Variants in EML5 observed in about 807,000 individuals in gnomAD.
EML5 encodes the protein EMAP like 5.
A neutral mutation model predicts 250.0 loss-of-function variants in EML5; 120 were observed. The ratio of observed to expected loss-of-function variants is 0.48; its 90% CI spans 0.41 to 0.56. The LOEUF is 0.56. EML5 is among the 20% of genes least tolerant of loss of function. The pLI, the probability that EML5 is intolerant of heterozygous loss-of-function variation, is 0.00. For missense variants in EML5, 2,006 were observed against 2,437.6 expected (o/e 0.82, Z 3.73); for synonymous variants, 771 against 806.5 (o/e 0.96, Z 0.75).
At chr14:88,743,519 C>G (rs900271478) in intron 4 of EML5, among the ~76,000 whole-genome samples, 3 of 152,026 alleles carry the variant, frequency 2.0e-5, no homozygotes, top group Non-Finnish European at 4.4e-5. Flanking sequence ...TATACACTGC[C>G]GCCTTATTTA....
At chr14:88,683,540 T>G (rs1200249978) in intron 20 of EML5, among the ~76,000 whole-genome samples, 2 of 152,134 alleles carry the variant, frequency 1.3e-5, no homozygotes, top group African/African-American at 4.8e-5. Context: ...ACAAGAAAAC[T>G]AAATACCAAT....
chr14:88,768,856 G>T (rs2094354579), intron 1 of EML5, among the ~76,000 whole-genome samples: 2 of 151,978 alleles, frequency 1.3e-5, no homozygotes, highest in Admixed American at 1.3e-4. Flanking sequence ...TCAAAAGTTA[G>T]CAAACTTTTT....
chr14:88,704,769 G>T (rs1430910838), intron 13 of EML5, 91 bp downstream of exon 13: 2 of 872,634 alleles, frequency 2.3e-6, no homozygotes, highest in East Asian at 5.0e-5. Context: ...TGTCATTTCA[G>T]GGGATACAGT....
At chr14:88,740,809 A>G (rs889646213) in intron 4 of EML5, among the ~76,000 whole-genome samples, 4 of 152,142 alleles carry the variant, frequency 2.6e-5, no homozygotes, top group African/African-American at 9.7e-5. Flanking sequence ...AGGGGTTTGA[A>G]TCAGATTATT....
Position 88,762,328 on chromosome 14 carries a change from C to A in EML5, c.198-7657G>T, listed in dbSNP as rs150719213. ...GAGTTCGAGACTAGCCTGACCAACA[C>A]AGAGAAACCCAGTCTCTAATAAAAA... On this transcript the variant is annotated intron_variant, in intron 1 of 43. Coordinates refer to ENST00000554922, the MANE Select transcript of EML5 (RefSeq NM_183387.3). 5.6e-3 allele frequency among the ~76,000 whole-genome samples: 855 copies of A among 152,178 alleles called. 6 individuals carry two copies. The highest frequency in any genetic ancestry group is 0.02 in the African/African-American group (824 of 41,514).
chr14:88,620,544 C>A lies in EML5; in HGVS notation c.5375+210G>T. On this transcript the variant is annotated intron_variant, in intron 39 of 43. Transcript: ENST00000554922. The surrounding 1 kb of genome is among the most constrained non-coding windows in gnomAD (Gnocchi z 4.3). Reference sequence around the variant, plus strand: ...ATTCATCAAACATTACCTACTAGTACTTGCTATTATAGTTGGTGCCCAGTG... The same window carrying A: ...ATTCATCAAACATTACCTACTAGTAATTGCTATTATAGTTGGTGCCCAGTG... The A allele has an allele frequency of 2.4e-6, 1 of 418,584 alleles. No individual in the cohort carries two copies. 25.9% of individuals were successfully genotyped at this position (418,584 alleles called of 1,614,324 possible).
intron 1 of EML5, among the ~76,000 whole-genome samples, chr14:88,786,264 T>C (rs1428442807): frequency 6.6e-6 from 1 of 152,172 alleles, no homozygotes; most frequent in African/African-American, 2.4e-5. Context: ...CTTCTTTTCC[T>C]TAGCTCTTAC....
At chr14:88,671,242 AG>A (rs554889688) in intron 21 of EML5, among the ~76,000 whole-genome samples, 4 of 152,328 alleles carry the variant, frequency 2.6e-5, no homozygotes, top group African/African-American at 9.6e-5. Context: ...AGGAGACACT[AG>A]GGGCCAATAT....
chr14:88,642,757 T>C (rs1283049439), intron 31 of EML5, 136 bp downstream of exon 31: 5 of 892,070 alleles, frequency 5.6e-6, no homozygotes, highest in Non-Finnish European at 8.4e-6. Flanking sequence ...TTCTGAAATA[T>C]GAAATATTTT....
chr14:88,642,008 A>G (rs1159867509), intron 31 of EML5, among the ~76,000 whole-genome samples: 1 of 152,136 alleles, frequency 6.6e-6, no homozygotes, highest in Non-Finnish European at 1.5e-5. Context: ...TAAATAGAAA[A>G]TTGCCACTGA....
intron 21 of EML5, among the ~76,000 whole-genome samples, 165 bp from the exon 22 acceptor site, chr14:88,665,654 C>T (rs2092286092): frequency 6.6e-6 from 1 of 152,124 alleles, no homozygotes; most frequent in Non-Finnish European, 1.5e-5. Flanking sequence ...TAGCAAGACC[C>T]CATCTCTGCC....
At position 88,661,938 on chromosome 14, in the gene EML5, A is replaced by G. The variant is rs942535327; in HGVS notation, c.3499-108T>C. On this transcript the variant is annotated intron_variant, in intron 24 of 43. Transcript: ENST00000554922. ...AGTTATGTGTGTCACAAGTAAAATG[A>G]AAGTTTTAATGAAAAAATAGTTAAA... is the stretch of plus-strand genomic sequence containing the variant. 33 of 1,030,554 alleles carry G rather than the reference A, an allele frequency of 3.2e-5. No individual in the cohort carries two copies. The Admixed American group carries it at 4.1e-4, about 13-fold the overall frequency. 63.8% of individuals were successfully genotyped at this position (1,030,554 alleles called of 1,614,324 possible). A position where few individuals can be genotyped will look rare whatever the true frequency, so the allele number is the denominator to read the frequency against.
intron 21 of EML5, among the ~76,000 whole-genome samples, chr14:88,667,296 C>T (rs2092333794): frequency 6.6e-6 from 1 of 152,120 alleles, no homozygotes; most frequent in Non-Finnish European, 1.5e-5. Flanking sequence ...TTTTCTCCTT[C>T]ATATTTTATA....
chr14:88,706,083 C>A (rs919333517), intron 11 of EML5, among the ~76,000 whole-genome samples, 176 bp downstream of exon 11: 3 of 152,158 alleles, frequency 2.0e-5, no homozygotes, highest in Admixed American at 6.6e-5. Context: ...ATTTCACACT[C>A]TGTGACATCT....
intron 21 of EML5, among the ~76,000 whole-genome samples, chr14:88,671,443 C>A (rs2092460048): frequency 6.6e-6 from 1 of 152,182 alleles, no homozygotes; most frequent in Non-Finnish European, 1.5e-5. Flanking sequence ...CCAGCCACTG[C>A]AAAAACACAC....
At chr14:88,740,064 G>A (rs2093902690) in intron 5 of EML5, among the ~76,000 whole-genome samples, 1 of 152,114 alleles carries the variant, frequency 6.6e-6, no homozygotes, top group African/African-American at 2.4e-5. Flanking sequence ...AGCCTCAAGA[G>A]CACTAGCTTT....
intron 1 of EML5, among the ~76,000 whole-genome samples, chr14:88,759,686 A>T (rs896646817): frequency 2.1e-5 from 1 of 47,824 alleles, no homozygotes; most frequent in Middle Eastern, 8.1e-3. Flanking sequence ...ACCATCTCTT[A>T]AAAAAAAAAA....
intron 27 of EML5, among the ~76,000 whole-genome samples, chr14:88,651,315 G>T (rs1422711269): frequency 1.3e-5 from 2 of 151,656 alleles, no homozygotes; most frequent in Non-Finnish European, 2.9e-5. Flanking sequence ...AAAGCAATTT[G>T]AAAAATTACT....
At chr14:88,750,626 T>A (rs1206076737) in intron 2 of EML5, among the ~76,000 whole-genome samples, 1 of 152,198 alleles carries the variant, frequency 6.6e-6, no homozygotes, top group Non-Finnish European at 1.5e-5. Flanking sequence ...AAATGCCATC[T>A]AGTACCCAGT....
Sources: allele counts gnomAD v4.1 joint callset (sites outside exome capture counted in the v4.1 genomes callset), GRCh38; gene constraint gnomAD v4.1.1; non-coding constraint Gnocchi (gnomAD v3.1); transcripts MANE v1.5; gene names NCBI Gene and HGNC (gene_info 2026-07-23, HGNC 2026-07-21).